CSMD1: variants seen among roughly 807,000 people sequenced by gnomAD.
The protein encoded by CSMD1 is CUB and Sushi multiple domains 1.
CSMD1 carries 213 observed loss-of-function variants against 417.5 expected under a neutral mutation model. The observed-to-expected ratio is 0.51, with a 90% CI of 0.46 to 0.57. The LOEUF (loss-of-function observed/expected upper bound fraction) is 0.57, where lower values mean the gene tolerates loss of function less well. CSMD1 is among the 20% of genes least tolerant of loss of function. The pLI is 0.00. For missense variants in CSMD1, 6,923 were observed against 4,529.7 expected (o/e 1.53, Z -15.17); for synonymous variants, 2,862 against 1,736.8 (o/e 1.65, Z -16.11).
intron 10 of CSMD1, among the ~76,000 whole-genome samples, chr8:3,525,309 A>C (rs1001641252): frequency 3.9e-5 from 6 of 152,190 alleles, no homozygotes; most frequent in Admixed American, 3.3e-4. Flanking sequence ...AAAAGGAATT[A>C]GCATTTCCAG....
At chr8:4,422,546 G>A (rs1797308969) in intron 2 of CSMD1, among the ~76,000 whole-genome samples, 1 of 152,074 alleles carries the variant, frequency 6.6e-6, no homozygotes, top group Admixed American at 6.6e-5. Flanking sequence ...GAAGGATGCT[G>A]TCTACAAGTC....
At chr8:3,520,641 G>A (rs531579011) in intron 10 of CSMD1, among the ~76,000 whole-genome samples, 1 of 152,132 alleles carries the variant, frequency 6.6e-6, no homozygotes, top group African/African-American at 2.4e-5. Flanking sequence ...TGGTTCACCT[G>A]CATCTCCGGG....
rs755782398 is a variant in CSMD1 at position 4,994,344 on chromosome 8, TGAG to T, written c.70_72del (p.Leu24del). 1.2e-6 allele frequency: 2 copies of T among 1,611,010 alleles called. No homozygotes were observed. Among genetic ancestry groups the T allele is most frequent in the Non-Finnish European group, 1.7e-6 (2 of 1,179,780 alleles). ...AAGTCCGTCTTACCCTTCGCTGCAG[TGAG>T]GAGCCTCGCGCACAGCACCAGCAGC... On this transcript the variant is annotated inframe_deletion, in exon 1 of 70. Transcript: ENST00000635120.
chr8:4,811,170 C>A (rs1463819446), intron 1 of CSMD1, among the ~76,000 whole-genome samples: 1 of 152,174 alleles, frequency 6.6e-6, no homozygotes, highest in Non-Finnish European at 1.5e-5. Context: ...TCAACCATCA[C>A]TGCTTCATTA....
chr8:4,445,535 G>C lies in CSMD1; in HGVS notation c.303-25470C>G, dbSNP rs568347232. ...ACTTCATTGGTTTTGTTTTCATTTGGGTAGCTTGTGTGATAAAAATGGCTT... is the reference window on the plus strand; with the variant it reads ...ACTTCATTGGTTTTGTTTTCATTTGCGTAGCTTGTGTGATAAAAATGGCTT... On this transcript the variant is annotated intron_variant, in intron 2 of 69. Coordinates refer to ENST00000635120, the MANE Select transcript of CSMD1 (RefSeq NM_033225.6). Among the ~76,000 whole-genome samples, 460 of 152,140 alleles carry C rather than the reference G, an allele frequency of 3.0e-3. 1 individual carries two copies. The highest frequency in any genetic ancestry group is 0.011 in the African/African-American group (442 of 41,492).
intron 6 of CSMD1, among the ~76,000 whole-genome samples, chr8:3,725,191 T>C (rs1223068342): frequency 6.6e-6 from 1 of 151,862 alleles, no homozygotes; most frequent in East Asian, 1.9e-4. Flanking sequence ...AGGAGGTAGG[T>C]TCAAGGAAAT....
chr8:3,653,666 C>A (rs561488733), intron 7 of CSMD1, among the ~76,000 whole-genome samples: 1 of 152,212 alleles, frequency 6.6e-6, no homozygotes, highest in East Asian at 1.9e-4. Context: ...TAAGGGCCAG[C>A]TTTTTACAGC....
At chr8:4,873,947 G>T (rs942971117) in intron 1 of CSMD1, among the ~76,000 whole-genome samples, 1 of 152,092 alleles carries the variant, frequency 6.6e-6, no homozygotes, top group Non-Finnish European at 1.5e-5. Flanking sequence ...AAAAAAGCAA[G>T]GAACTATTTC....
At chr8:3,852,305 G>A (rs747206990) in intron 5 of CSMD1, among the ~76,000 whole-genome samples, 2 of 152,080 alleles carry the variant, frequency 1.3e-5, no homozygotes, top group Non-Finnish European at 2.9e-5. Context: ...AGAATCAGAG[G>A]TGGGGTTTGT....
At chr8:3,448,524 T>C (rs1411860566) in intron 12 of CSMD1, among the ~76,000 whole-genome samples, 2 of 151,662 alleles carry the variant, frequency 1.3e-5, no homozygotes, top group African/African-American at 4.8e-5. Flanking sequence ...GAGAGGCTGC[T>C]GTGGGTTTAT....
At chr8:3,011,365 T>C (rs942467173) in intron 52 of CSMD1, among the ~76,000 whole-genome samples, 1 of 151,806 alleles carries the variant, frequency 6.6e-6, no homozygotes, top group Admixed American at 6.6e-5. Context: ...CTTTCTGCTC[T>C]GCTGTGATAT....
intron 1 of CSMD1, among the ~76,000 whole-genome samples, chr8:4,739,845 A>T (rs2116998734): frequency 6.6e-6 from 1 of 152,046 alleles, no homozygotes; most frequent in Admixed American, 6.5e-5. Context: ...GCCCCCATCC[A>T]CCGTTCCTAC....
At chr8:4,338,975 T>C (rs1434202320) in intron 3 of CSMD1, among the ~76,000 whole-genome samples, 2 of 152,068 alleles carry the variant, frequency 1.3e-5, no homozygotes, top group Non-Finnish European at 1.5e-5. Flanking sequence ...CAGTCAATGA[T>C]CAGAAAATGC....
chr8:4,297,943 G>A (rs895261708), intron 3 of CSMD1, among the ~76,000 whole-genome samples: 8 of 152,160 alleles, frequency 5.3e-5, no homozygotes, highest in African/African-American at 1.4e-4. Context: ...GAAAATAAAA[G>A]GCTAGGTGAC....
chr8:4,328,892 C>T (rs532829960), intron 3 of CSMD1, among the ~76,000 whole-genome samples: 1 of 152,174 alleles, frequency 6.6e-6, no homozygotes. Flanking sequence ...TCATAACATT[C>T]ATTTGTATAT....
chr8:3,260,385 C>T (rs1025971467), intron 26 of CSMD1, among the ~76,000 whole-genome samples: 5 of 151,630 alleles, frequency 3.3e-5, no homozygotes, highest in African/African-American at 7.3e-5. Context: ...TTTCAGTGGC[C>T]GAACAGGTTT....
chr8:4,356,486 C>T lies in CSMD1; in HGVS notation c.415+63467G>A, dbSNP rs548764191. Reference sequence around the variant, plus strand: ...TGACTTCTTTTCCTCTGAGTAGATACCTGGGAGTGGGATTGCTGGATCAAA... The same window carrying T: ...TGACTTCTTTTCCTCTGAGTAGATATCTGGGAGTGGGATTGCTGGATCAAA... On this transcript the variant is annotated intron_variant, in intron 3 of 69. Coordinates refer to ENST00000635120, the MANE Select transcript of CSMD1 (RefSeq NM_033225.6). 2.6e-5 allele frequency among the ~76,000 whole-genome samples: 4 copies of T among 152,174 alleles called. No individual in the cohort carries two copies. The East Asian group carries it at 7.7e-4, about 29-fold the overall frequency.
At position 3,396,400 on chromosome 8, in the gene CSMD1, C is replaced by T. The variant is rs756213050; in HGVS notation, c.2406-19G>A. On this transcript the variant is annotated intron_variant, in intron 16 of 69. Coordinates refer to ENST00000635120, the MANE Select transcript of CSMD1 (RefSeq NM_033225.6). ...CTGAAATCTGCAAATATATACATCC[C>T]ATCAGAAAAGACATGCAGAACTGCC... 8.3e-5 allele frequency: 126 copies of T among 1,522,270 alleles called. No individual in the cohort carries two copies. The highest frequency in any genetic ancestry group is 1.1e-4 in the Non-Finnish European group (123 of 1,132,946). 94.3% of individuals were successfully genotyped at this position (1,522,270 alleles called of 1,614,324 possible).
intron 12 of CSMD1, among the ~76,000 whole-genome samples, chr8:3,427,690 T>G (rs1813943444): frequency 6.6e-6 from 1 of 152,224 alleles, no homozygotes; most frequent in African/African-American, 2.4e-5. Flanking sequence ...TTATCCCTTT[T>G]ATCAACTTTT....
Sources: gnomAD v4.1 joint callset for allele counts (sites outside exome capture counted in the v4.1 genomes callset) on GRCh38, gnomAD v4.1.1 for gene constraint, MANE v1.5 for transcripts, NCBI Gene and HGNC (gene_info 2026-07-23, HGNC 2026-07-21) for gene names.